The following CUBN variants were observed in gnomAD, a reference collection of about 807,000 sequenced individuals.
CUBN encodes the protein cubilin, also known as 460 kDa receptor.
In CUBN, 282 loss-of-function variants were observed where a neutral mutation model predicts 405.3. That is an observed-to-expected ratio of 0.70 (90% CI 0.63 to 0.77). The LOEUF (loss-of-function observed/expected upper bound fraction) is 0.77. CUBN is among the 30% of genes least tolerant of loss of function. The probability of loss-of-function intolerance (pLI) is 0.00; values close to 1 mark genes in which losing one functional copy is unlikely to be tolerated. For missense variants in CUBN, 4,514 were observed against 4,475.2 expected, an observed-to-expected ratio of 1.01 and a Z score of -0.25; for synonymous variants, 1,684 against 1,617.0, an observed-to-expected ratio of 1.04 and a Z score of -0.99.
rs532198193 is a variant in CUBN at position 17,104,500 on chromosome 10, T to G, written c.1336A>C (p.Thr446Pro). ...CLSNPCLNGG[T>P]CVDGVDSFSC... ...AAAGAATCAACGCCATCAACACAAGTTCCTCCATTCAAACAGGGGTTGCTC... is the reference window on the plus strand; with the variant it reads ...AAAGAATCAACGCCATCAACACAAGGTCCTCCATTCAAACAGGGGTTGCTC... Residue 446 changes from threonine to proline, a missense_variant, in exon 12 of 67, where the codon ACT (threonine) becomes CCT (proline). By Grantham distance (38) the Thr-to-Pro change is conservative. Transcript: ENST00000377833. The G allele has an allele frequency of 6.2e-7, 1 of 1,613,950 alleles. No individual in the cohort carries two copies. The highest frequency in any genetic ancestry group is 2.2e-5 in the East Asian group (1 of 44,852).
chr10:17,123,479 C>A, intron 5 of CUBN, 109 bp downstream of exon 5: 1 of 878,806 alleles, frequency 1.1e-6, no homozygotes, highest in Non-Finnish European at 1.9e-6. Context: ...ATTTGGGAGG[C>A]CACAGAATCC....
intron 54 of CUBN, among the ~76,000 whole-genome samples, chr10:16,897,892 C>G (rs1841237631): frequency 6.6e-6 from 1 of 152,096 alleles, no homozygotes; most frequent in African/African-American, 2.4e-5. Context: ...CCATTCAATC[C>G]AGAGAAGGAA....
Position 16,831,250 on chromosome 10 carries a change from AC to A in CUBN, c.10528+1del. ...TTCCTGTACAAAGTGCAAATGTCTT[AC>A]CAGAGGGTGATGAAGTCCAGATGAT... On this transcript the variant is annotated splice_donor_variant, in intron 65 of 66. Transcript: ENST00000377833. LOFTEE classifies it high-confidence loss of function. 6.2e-7 allele frequency: 1 copy of A among 1,613,988 alleles called. No individual in the cohort carries two copies. The highest frequency in any genetic ancestry group is 8.5e-7 in the Non-Finnish European group (1 of 1,179,828).
intron 65 of CUBN, among the ~76,000 whole-genome samples, chr10:16,829,910 C>T (rs1352212375): frequency 4.0e-5 from 6 of 149,918 alleles, no homozygotes; most frequent in African/African-American, 1.5e-4. Context: ...CAAGCTCCAC[C>T]TCCCGGGTTC....
Position 16,869,681 on chromosome 10 carries a change from A to T in CUBN, c.9409T>A (p.Phe3137Ile). Reference sequence around the variant, plus strand: ...ATCTTCCAGCCTTTTGCTGTCTGAAATGAATCTGTCTTGAACACCAGGAGC... The same window carrying T: ...ATCTTCCAGCCTTTTGCTGTCTGAATTGAATCTGTCTTGAACACCAGGAGC... Reference protein sequence around the residue: ...SMLLVFKTDSFQTAKGWKMSF... With the variant: ...SMLLVFKTDSIQTAKGWKMSF... The change falls in exon 59 of 67, where the codon TTT becomes ATT. Residue 3137 changes from phenylalanine (F) to isoleucine (I), a missense_variant. Physicochemically the swap from Phe to Ile is conservative, Grantham distance 21. Transcript: ENST00000377833. The T allele has an allele frequency of 6.2e-7, 1 of 1,614,078 alleles. No homozygotes were observed. The highest frequency in any genetic ancestry group is 8.5e-7 in the Non-Finnish European group (1 of 1,179,996).
At chr10:16,970,031 C>A (rs544722187) in intron 31 of CUBN, among the ~76,000 whole-genome samples, 1 of 152,294 alleles carries the variant, frequency 6.6e-6, no homozygotes, top group African/African-American at 2.4e-5. Context: ...TTCTGTTCCC[C>A]AGGCACCTGA....
chr10:16,842,697 T>G (rs535072028), intron 60 of CUBN, among the ~76,000 whole-genome samples: 1 of 152,350 alleles, frequency 6.6e-6, no homozygotes, highest in African/African-American at 2.4e-5. Flanking sequence ...CAAACTCCAA[T>G]GAGGTGATGC....
intron 2 of CUBN, 47 bp from the exon 3 acceptor site, chr10:17,127,971 T>C (rs995223441): frequency 2.4e-6 from 3 of 1,247,200 alleles, no homozygotes; most frequent in East Asian, 2.3e-5. Flanking sequence ...AGTGAAAATA[T>C]CATATTTATC....
At position 16,915,921 on chromosome 10, in the gene CUBN, G is replaced by C; in HGVS notation, c.7110C>G (p.Leu2370=). 6.2e-7 allele frequency: 1 copy of C among 1,614,154 alleles called. No homozygotes were observed. The highest frequency in any genetic ancestry group is 8.5e-7 in the Non-Finnish European group (1 of 1,180,014). The change falls in exon 46 of 67, where the codon CTC becomes CTG. Residue 2370 remains leucine, a synonymous_variant. Transcript: ENST00000377833. Reference sequence around the variant, plus strand: ...AAGAGATGGTGAGATAGTGTCCAGAGAGCCCCTGGAGATGCCACTCACAGA... The same window carrying C: ...AAGAGATGGTGAGATAGTGTCCAGACAGCCCCTGGAGATGCCACTCACAGA... ...NLFCEWHLQG[L]SGHYLTISFE...
intron 49 of CUBN, 141 bp downstream of exon 49, chr10:16,907,367 G>A (rs1841581835): frequency 2.4e-6 from 2 of 847,558 alleles, no homozygotes; most frequent in Non-Finnish European, 3.8e-6. Flanking sequence ...TTTTTCATCT[G>A]CTTATGTGTG....
rs1011160999 is a variant in CUBN, at chr10:17,088,461, T to C, written c.1766-116A>G. On this transcript the variant is annotated intron_variant, in intron 14 of 66. Transcript: ENST00000377833. ...TTGTTTAAATAACTATGAGCAGTTT[T>C]AGACACCCTCATAAATTAAAAAAGA... The C allele has an allele frequency of 1.5e-5, 11 of 751,502 alleles. No homozygotes were observed. In the African/African-American group the frequency reaches 1.6e-4, roughly 11 times the overall value. 46.6% of individuals were successfully genotyped at this position (751,502 alleles called of 1,614,324 possible). A position where few individuals can be genotyped will look rare whatever the true frequency, so the allele number is the denominator to read the frequency against.
intron 54 of CUBN, among the ~76,000 whole-genome samples, chr10:16,897,529 C>T (rs1841220479): frequency 6.6e-6 from 1 of 152,152 alleles, no homozygotes; most frequent in Non-Finnish European, 1.5e-5. Flanking sequence ...ACCTCAATGT[C>T]TCTGGGTGGA....
chr10:16,977,379 A>T (rs1261889109), intron 31 of CUBN, among the ~76,000 whole-genome samples: 5 of 152,184 alleles, frequency 3.3e-5, no homozygotes, highest in Non-Finnish European at 5.9e-5. Context: ...AGAGCAGAGG[A>T]GCAGAAGAGC....
chr10:16,918,282 T>C (rs1297042323), intron 45 of CUBN, among the ~76,000 whole-genome samples: 2 of 152,342 alleles, frequency 1.3e-5, no homozygotes, highest in African/African-American at 2.4e-5. Flanking sequence ...TGGGTTCTTT[T>C]TGGGGTCCAT....
At chr10:17,051,942 A>G (rs1835279287) in intron 22 of CUBN, among the ~76,000 whole-genome samples, 1 of 152,150 alleles carries the variant, frequency 6.6e-6, no homozygotes, top group Non-Finnish European at 1.5e-5. Flanking sequence ...AAGATATAGG[A>G]GTTCAGTCAA....
chr10:16,961,022 T>C (rs980902055), intron 31 of CUBN, among the ~76,000 whole-genome samples: 1 of 152,246 alleles, frequency 6.6e-6, no homozygotes, highest in Non-Finnish European at 1.5e-5. Flanking sequence ...TCCTCAGCTC[T>C]AGCCAGAAGT....
chr10:16,920,679 TA>T (rs1289234610), intron 43 of CUBN, among the ~76,000 whole-genome samples: 3 of 152,238 alleles, frequency 2.0e-5, no homozygotes, highest in African/African-American at 7.2e-5. Context: ...TGCCAGAGGA[TA>T]AAGGAGCTTT....
chr10:16,937,913 T>C (rs1842562987), intron 38 of CUBN, 129 bp from the exon 39 acceptor site: 1 of 797,298 alleles, frequency 1.3e-6, no homozygotes, highest in Non-Finnish European at 2.0e-6. Flanking sequence ...GAGTAAACAT[T>C]TAATTTTAGC....
At chr10:17,071,254 T>C (rs1835732542) in intron 19 of CUBN, among the ~76,000 whole-genome samples, 172 bp downstream of exon 19, 1 of 152,236 alleles carries the variant, frequency 6.6e-6, no homozygotes, top group Admixed American at 6.5e-5. Flanking sequence ...CCTCTTTTTG[T>C]GCTAGATTCA....
Sources: gnomAD v4.1 joint callset for allele counts (sites outside exome capture counted in the v4.1 genomes callset) on GRCh38, gnomAD v4.1.1 for gene constraint, MANE v1.5 for transcripts, NCBI Gene and HGNC (gene_info 2026-07-23, HGNC 2026-07-21) for gene names.